The following HDGFL2 variants were observed in gnomAD, a reference collection of about 807,000 sequenced individuals.
The protein encoded by HDGFL2 is hepatoma-derived growth factor-related protein 2.
Under a neutral mutation model 77.1 loss-of-function variants are expected in HDGFL2, and 36 were observed. The ratio of observed to expected loss-of-function variants is 0.47; its 90% confidence interval spans 0.36 to 0.62. The LOEUF (loss-of-function observed/expected upper bound fraction) is 0.62, where lower values mean the gene tolerates loss of function less well. HDGFL2 is among the 20% of genes least tolerant of loss of function. The probability of loss-of-function intolerance (pLI) is 0.00; values close to 1 mark genes in which losing one functional copy is unlikely to be tolerated. For synonymous variants in HDGFL2, 463 were observed against 413.1 expected (o/e 1.12, Z -1.46); for missense variants, 976 against 973.4 (o/e 1.00, Z -0.04).
chr19:4,484,738 C>G lies in HDGFL2; in HGVS notation c.289-3938C>G, dbSNP rs112276886. ...CCAGGCTGGAGTGTAGTGGCACAAT[C>G]TCAGCTCACTGCAAACTCCGCCTCC... is the stretch of plus-strand genomic sequence containing the variant. On this transcript the variant is annotated intron_variant, in intron 3 of 15. Coordinates refer to ENST00000616600, the MANE Select transcript of HDGFL2 (RefSeq NM_001001520.3). Among the ~76,000 whole-genome samples the G allele has an allele frequency of 7.7e-3, 1,006 of 130,598 alleles. 11 individuals carry two copies. Among genetic ancestry groups the G allele is most frequent in the Middle Eastern group, 0.041 (8 of 194 alleles). The allele number at this position is 130,598 out of a possible 152,430, so 85.7% of individuals were successfully genotyped here. A position where few individuals can be genotyped will look rare whatever the true frequency, so the allele number is the denominator to read the frequency against.
intron 6 of HDGFL2, among the ~76,000 whole-genome samples, chr19:4,493,117 CTG>C (rs769660659): frequency 1.3e-4 from 10 of 76,578 alleles, no homozygotes; most frequent in African/African-American, 2.5e-4. Flanking sequence ...TGTGTGTTGT[CTG>C]TGTGTGGTGT....
rs190856655 is a variant in HDGFL2 at position 4,495,608 on chromosome 19, C to T, written c.1225-694C>T. 2.6e-3 allele frequency among the ~76,000 whole-genome samples: 394 copies of T among 151,312 alleles called. 1 individual carries two copies. The highest frequency in any genetic ancestry group is 8.9e-3 in the African/African-American group (364 of 40,810). Reference sequence around the variant, plus strand: ...GCGGTGGGGAACGGACAGAGCAGGCCGGGTAGGGCCATGTGGGCTGCAGGG... The same window carrying T: ...GCGGTGGGGAACGGACAGAGCAGGCTGGGTAGGGCCATGTGGGCTGCAGGG... On this transcript the variant is annotated intron_variant, in intron 9 of 15. Transcript: ENST00000616600.
intron 3 of HDGFL2, among the ~76,000 whole-genome samples, chr19:4,487,315 G>T (rs1475941034): frequency 2.6e-5 from 4 of 151,806 alleles, no homozygotes; most frequent in African/African-American, 4.8e-5. Flanking sequence ...GGAGTGCAGT[G>T]GTGTGATCAT....
intron 3 of HDGFL2, among the ~76,000 whole-genome samples, chr19:4,481,798 C>G (rs1039424039): frequency 1.4e-4 from 21 of 152,046 alleles, no homozygotes; most frequent in African/African-American, 5.1e-4. Flanking sequence ...GTAGTGCTGA[C>G]CCCTCAGCGG....
rs574022188 is a variant in HDGFL2, at chr19:4,499,595, A to G, written c.1680A>G (p.Lys560=). ...VLGPKIEAVQ[K]VNKAGMEKEK... is the part of the protein sequence containing the mutation. ...GCCCAAAGATCGAGGCGGTGCAGAA[A>G]GTGAACAAGGCTGGGATGGAGAAGG... is the stretch of plus-strand genomic sequence containing the variant. Residue 560 remains lysine, a synonymous_variant, in exon 14 of 16, where the codon AAA becomes AAG. Transcript: ENST00000616600. 2 of 1,610,890 alleles carry G rather than the reference A, an allele frequency of 1.2e-6. No homozygotes were observed. The highest frequency in any genetic ancestry group is 1.1e-5 in the South Asian group (1 of 90,572).
chr19:4,481,690 C>T (rs1219520135), intron 3 of HDGFL2, among the ~76,000 whole-genome samples: 1 of 151,974 alleles, frequency 6.6e-6, no homozygotes, highest in Non-Finnish European at 1.5e-5. Flanking sequence ...CTCTTGACCT[C>T]AGGCAGTCCT....
intron 14 of HDGFL2, 78 bp from the exon 15 acceptor site, chr19:4,501,113 C>G (rs1975863371): frequency 1.3e-6 from 2 of 1,583,786 alleles, no homozygotes; most frequent in South Asian, 2.2e-5. Flanking sequence ...GGCCCCTGGT[C>G]CAGTCCTTGA....
intron 10 of HDGFL2, chr19:4,497,388 G>C: frequency 3.1e-6 from 1 of 325,444 alleles, no homozygotes; most frequent in East Asian, 9.8e-5. Flanking sequence ...TAGTAGAGAC[G>C]GGGCTTCACC....
At chr19:4,489,980 A>C (rs1181464378) in intron 4 of HDGFL2, among the ~76,000 whole-genome samples, 1 of 152,162 alleles carries the variant, frequency 6.6e-6, no homozygotes, top group Non-Finnish European at 1.5e-5. Flanking sequence ...TGGGCATTTC[A>C]TAGAAATGGG....
rs1975190659 is a variant in HDGFL2, at chr19:4,480,702, G to A, written c.288+5119G>A. Reference sequence around the variant, plus strand: ...CCATTGTACTCCAGCCTGGGGGATAGAGTGAGACTCCGTCTCAAAAAAAAA... The same window carrying A: ...CCATTGTACTCCAGCCTGGGGGATAAAGTGAGACTCCGTCTCAAAAAAAAA... On this transcript the variant is annotated intron_variant, in intron 3 of 15. Transcript: ENST00000616600. 2.6e-5 allele frequency among the ~76,000 whole-genome samples: 4 copies of A among 152,022 alleles called. No individual in the cohort carries two copies. In the South Asian group the frequency reaches 6.2e-4, roughly 24 times the overall value.
chr19:4,489,216 G>A (rs1357142985), intron 4 of HDGFL2, among the ~76,000 whole-genome samples: 1 of 150,550 alleles, frequency 6.6e-6, no homozygotes, highest in African/African-American at 2.5e-5. Flanking sequence ...GTCTCTCAAA[G>A]TGCTGGGATT....
intron 4 of HDGFL2, 76 bp downstream of exon 4, chr19:4,488,952 CT>C (rs34663282): frequency 0.33 from 230,850 of 699,126 alleles, 12,619 homozygotes; most frequent in African/African-American, 0.5. Flanking sequence ...CTCTCCTGCC[CT>C]TTTTTTTTTT....
intron 14 of HDGFL2, 59 bp from the exon 15 acceptor site, chr19:4,501,132 G>C (rs532103346): frequency 1.2e-5 from 19 of 1,605,684 alleles, no homozygotes; most frequent in South Asian, 7.7e-5. Context: ...GACAGGCAAG[G>C]GTTCTGGGGT....
chr19:4,473,027 A>G (rs1974985218), intron 1 of HDGFL2, among the ~76,000 whole-genome samples: 1 of 139,408 alleles, frequency 7.2e-6, no homozygotes. Context: ...GTCTGGGGGT[A>G]TCCTGGGCCC....
chr19:4,493,090 CTGTGTGG>C (rs201916046), intron 6 of HDGFL2, among the ~76,000 whole-genome samples: 4 of 124,868 alleles, frequency 3.2e-5, no homozygotes, highest in Non-Finnish European at 6.5e-5. Flanking sequence ...TGTGTGTTAT[CTGTGTGG>C]TGTGTGGTGT....
intron 1 of HDGFL2, 24 bp downstream of exon 1, chr19:4,472,446 C>A: frequency 1.5e-5 from 2 of 130,310 alleles, no homozygotes; most frequent in Non-Finnish European, 2.6e-5. Context: ...GGAGATGGGG[C>A]CGGTGGGGGG....
chr19:4,493,079 GTGTGTGTTATC>G (rs1975579406), intron 6 of HDGFL2, among the ~76,000 whole-genome samples: 1 of 50,198 alleles, frequency 2.0e-5, no homozygotes, highest in African/African-American at 9.9e-5. Context: ...TGTGTGGTGT[GTGTGTGTTATC>G]TGTGTGGTGT....
chr19:4,472,449 G>GT (rs1491087864), intron 1 of HDGFL2, 27 bp downstream of exon 1: 8 of 731,688 alleles, frequency 1.1e-5, no homozygotes, highest in East Asian at 7.6e-5. Context: ...GATGGGGCCG[G>GT]TGGGGGGGGG....
In HDGFL2 at chr19:4,479,282, CTACAAAAA is replaced by C. The variant is rs1975151454; in HGVS notation, c.288+3709_288+3716del. Among the ~76,000 whole-genome samples the C allele has an allele frequency of 7.9e-5, 12 of 151,622 alleles. No individual in the cohort carries two copies. In the South Asian group the frequency reaches 2.5e-3, roughly 32 times the overall value. On this transcript the variant is annotated intron_variant, in intron 3 of 15. Transcript: ENST00000616600. ...TGGCCAACAGAATGAAACCCTGTCT[CTACAAAAA>C]TACAAAAATTAGGCCGGGTGCCGTG...
Sources: allele counts gnomAD v4.1 joint callset (sites outside exome capture counted in the v4.1 genomes callset), GRCh38; gene constraint gnomAD v4.1.1; transcripts MANE v1.5; gene names NCBI Gene and HGNC (gene_info 2026-07-23, HGNC 2026-07-21).